Variants in SALL4 observed in about 807,000 individuals in gnomAD.
SALL4 encodes the protein sal-like protein 4.
A neutral mutation model predicts 60.8 loss-of-function variants in SALL4; 4 were observed. The observed-to-expected ratio is 0.07, with a 90% CI of 0.03 to 0.15. The LOEUF is 0.15. Among genes scored for constraint, SALL4 ranks in the 10% least tolerant of loss-of-function variants. The pLI, the probability that SALL4 is intolerant of heterozygous loss-of-function variation, is 1.00. For missense variants in SALL4, 1,178 were observed against 1,394.7 expected (o/e 0.84, Z 2.48); for synonymous variants, 580 against 574.9 (o/e 1.01, Z -0.13).
chr20:51,784,434 AG>A lies in SALL4; in HGVS notation c.2992del (p.Leu998SerfsTer11). ...GGAGGTGGCCCCCAAGGAAACCGGG[AG>A]GGTAGGAACCCCCCCACTCTGGATC... is the stretch of plus-strand genomic sequence containing the variant. ...SVIQSGGVPT[L>X]PVSLGATSVV... On this transcript the variant is annotated frameshift_variant, in exon 4 of 4. Coordinates refer to ENST00000217086, the MANE Select transcript of SALL4 (RefSeq NM_020436.5). LOFTEE classifies it low-confidence loss of function (END_TRUNC). 1 of 1,614,152 alleles carries A rather than the reference AG, an allele frequency of 6.2e-7. No individual in the cohort carries two copies. Among genetic ancestry groups the A allele is most frequent in the Non-Finnish European group, 8.5e-7 (1 of 1,180,008 alleles).
chr20:51,802,329 G>A lies in SALL4; in HGVS notation c.80C>T (p.Thr27Ile), dbSNP rs766619339. Residue 27 changes from threonine to isoleucine, a missense_variant, in exon 1 of 4, where the codon ACC becomes ATC. This residue lies in a region of SALL4 where 108 missense variants were observed against 95.7 expected (regional missense o/e 1.13). Transcript: ENST00000217086. ...TGGGGCCGCATCTGCAAACTCCGGG[G>A]TCTGCTGCTGCGGCTGCTGCTCGCC... The part of the protein sequence containing the change: ...DQGEQQPQQQ[T>I]PEFADAAPAA... 4 of 1,610,804 alleles carry A rather than the reference G, an allele frequency of 2.5e-6. No individual in the cohort carries two copies. The highest frequency in any genetic ancestry group is 3.4e-6 in the Non-Finnish European group (4 of 1,179,698).
rs1354937203 is a variant in SALL4 at position 51,783,426 on chromosome 20, TC to T, written c.*838del. The T allele has an allele frequency of 6.8e-6, 1 of 147,706 alleles. No individual in the cohort carries two copies. The allele number at this position is 147,706 out of a possible 1,614,324, so 9.1% of individuals were successfully genotyped here. On this transcript the variant is annotated 3_prime_UTR_variant, in exon 4 of 4. Transcript: ENST00000217086. ...TTTGTTGTTCCTTTTTTAAGTACAT[TC>T]AAAAAAAAACAATAAGATGGGGACA...
chr20:51,789,283 CT>C (rs1387790370), intron 2 of SALL4, 142 bp from the exon 3 acceptor site: 1 of 863,612 alleles, frequency 1.2e-6, no homozygotes, highest in African/African-American at 1.7e-5. Flanking sequence ...ACACCTTCCC[CT>C]TTGAATTGTT....
intron 3 of SALL4, among the ~76,000 whole-genome samples, chr20:51,785,534 A>C (rs2077985745): frequency 6.6e-6 from 1 of 152,292 alleles, no homozygotes; most frequent in Admixed American, 6.5e-5. Flanking sequence ...AGCAACCAAG[A>C]TGGGGCTTAT....
At chr20:51,789,858 A>T (rs944369297) in intron 2 of SALL4, among the ~76,000 whole-genome samples, 164 bp downstream of exon 2, 1 of 152,232 alleles carries the variant, frequency 6.6e-6, no homozygotes, top group Non-Finnish European at 1.5e-5. Flanking sequence ...TTACTAGGAT[A>T]GAGGCAGTTA....
Position 51,790,286 on chromosome 20 carries a change from G to C in SALL4, c.2197C>G (p.Pro733Ala). The C allele has an allele frequency of 1.2e-6, 2 of 1,614,134 alleles. No homozygotes were observed. The highest frequency in any genetic ancestry group is 1.1e-5 in the South Asian group (1 of 91,076). Residue 733 changes from proline (P) to alanine (A), a missense_variant, in exon 2 of 4, where the codon CCA (proline) becomes GCA (alanine). Pro to Ala is a conservative substitution (Grantham distance 27, BLOSUM62 -1). Coordinates refer to ENST00000217086, the MANE Select transcript of SALL4 (RefSeq NM_020436.5). This position sits in a 1 kb window ranked among gnomAD's most constrained non-coding sequence, Gnocchi z 5.5. ...AAAGGGGCAGGACCCACTTTCCCTG[G>C]GGCATCTAAGGAAGCCATCATGGCA... ...GFAMMASLDA[P>A]GKVGPAPFNL...
chr20:51,784,663 C>T lies in SALL4; in HGVS notation c.2764G>A (p.Ala922Thr), dbSNP rs1443459998. 11 of 1,613,992 alleles carry T rather than the reference C, an allele frequency of 6.8e-6. No homozygotes were observed. The highest frequency in any genetic ancestry group is 7.6e-6 in the Non-Finnish European group (9 of 1,180,024). ...NLKVHYMTHG[A>T]NNNSARRGRK... is the part of the protein sequence containing the mutation. ...CCACGGCGGGCTGAGTTATTGTTCG[C>T]CCCGTGTGTCATGTAGTGAACCTAT... Residue 922 changes from alanine to threonine, a missense_variant, in exon 4 of 4, where the codon GCG becomes ACG. Around this residue, in one of 5 missense-constraint regions of SALL4, gnomAD observed 37 missense variants for 73.5 expected, o/e 0.50. Transcript: ENST00000217086.
In SALL4 at chr20:51,797,320, T is replaced by C. The variant is rs150817893; in HGVS notation, c.130+4959A>G. 9 of 152,262 alleles carry C rather than the reference T, an allele frequency of 5.9e-5. No individual in the cohort carries two copies. The East Asian group carries it at 1.5e-3, about 26-fold the overall frequency. 9.4% of individuals were successfully genotyped at this position (152,262 alleles called of 1,614,324 possible). On this transcript the variant is annotated intron_variant, in intron 1 of 3. Coordinates refer to ENST00000217086, the MANE Select transcript of SALL4 (RefSeq NM_020436.5). Reference sequence around the variant, plus strand: ...TGCAATTTATTTCCTTGGTCATCTATGTATTTTATACACTATGTTGAGAAG... The same window carrying C: ...TGCAATTTATTTCCTTGGTCATCTACGTATTTTATACACTATGTTGAGAAG...
chr20:51,796,819 T>C lies in SALL4; in HGVS notation c.131-4467A>G, dbSNP rs558074998. 2.0e-5 allele frequency among the ~76,000 whole-genome samples: 3 copies of C among 152,234 alleles called. No individual in the cohort carries two copies. In the East Asian group the frequency reaches 5.8e-4, roughly 29 times the overall value. On this transcript the variant is annotated intron_variant, in intron 1 of 3. Transcript: ENST00000217086. ...TTATTTTGCCCCTCTATGGAGGCTT[T>C]TAAGTTATTTTTCCCTAATAGCTCC...
In SALL4 at chr20:51,784,445, C is replaced by G; in HGVS notation, c.2982G>C (p.Gly994=). 1 of 1,614,156 alleles carries G rather than the reference C, an allele frequency of 6.2e-7. No homozygotes were observed. The highest frequency in any genetic ancestry group is 1.1e-5 in the South Asian group (1 of 91,064). The stretch of plus-strand genomic sequence containing the variant: ...CCAAGGAAACCGGGAGGGTAGGAAC[C>G]CCCCCACTCTGGATCACAGAGATCT... ...TNEISVIQSG[G]VPTLPVSLGA... is the part of the protein sequence containing the mutation. Residue 994 remains glycine (G), a synonymous_variant, in exon 4 of 4, where the codon GGG becomes GGC. Coordinates refer to ENST00000217086, the MANE Select transcript of SALL4 (RefSeq NM_020436.5).
Position 51,782,573 on chromosome 20 carries a change from A to AAAAAAAAAAAAAAAAAAAAAAAAAAAAG in SALL4, c.*1691_*1692insCTTTTTTTTTTTTTTTTTTTTTTTTTTT, listed in dbSNP as rs57307622. ...GGCAAAAAAAAAAAAAAAAAAAAAA[A>AAAAAAAAAAAAAAAAAAAAAAAAAAAAG]AGGGGGGCGGAATCCTAAAGTCAGG... is the stretch of plus-strand genomic sequence containing the variant. On this transcript the variant is annotated 3_prime_UTR_variant, in exon 4 of 4. Transcript: ENST00000217086. The AAAAAAAAAAAAAAAAAAAAAAAAAAAAG allele has an allele frequency of 7.6e-6, 1 of 131,954 alleles. No homozygotes were observed. Among genetic ancestry groups the AAAAAAAAAAAAAAAAAAAAAAAAAAAAG allele is most frequent in the Non-Finnish European group, 1.5e-5 (1 of 65,286 alleles). 8.2% of individuals were successfully genotyped at this position (131,954 alleles called of 1,614,324 possible). A position where few individuals can be genotyped will look rare whatever the true frequency, so the allele number is the denominator to read the frequency against.
intron 2 of SALL4, 40 bp downstream of exon 2, chr20:51,789,982 A>C (rs759454672): frequency 6.2e-7 from 1 of 1,613,334 alleles, no homozygotes; most frequent in Non-Finnish European, 8.5e-7. Flanking sequence ...GATGACCTTG[A>C]GCCCAAAATG....
rs1294554408 is a variant in SALL4 at position 51,783,849 on chromosome 20, A to C, written c.*416T>G. On this transcript the variant is annotated 3_prime_UTR_variant, in exon 4 of 4. Transcript: ENST00000217086. ...CAGCCTGACCAACATGGTGAAACCC[A>C]GTCTCTACTCAAAATACAAAATTAG... is the stretch of plus-strand genomic sequence containing the variant. The C allele has an allele frequency of 4.1e-6, 1 of 242,822 alleles. No individual in the cohort carries two copies. Among genetic ancestry groups the C allele is most frequent in the Non-Finnish European group, 8.1e-6 (1 of 123,600 alleles). The allele number at this position is 242,822 out of a possible 1,614,324, so 15.0% of individuals were successfully genotyped here.
intron 1 of SALL4, among the ~76,000 whole-genome samples, chr20:51,795,279 C>T (rs781410016): frequency 3.0e-4 from 45 of 152,156 alleles, no homozygotes; most frequent in Non-Finnish European, 5.0e-4. Flanking sequence ...CGGTGGTGGG[C>T]GCCTGTAGTC....
intron 1 of SALL4, among the ~76,000 whole-genome samples, 186 bp downstream of exon 1, chr20:51,802,093 G>A (rs1389987910): frequency 6.6e-6 from 1 of 151,956 alleles, no homozygotes; most frequent in African/African-American, 2.4e-5. Context: ...GGAAAAAAGT[G>A]TGAAATGTGC....
chr20:51,791,428 G>A lies in SALL4; in HGVS notation c.1055C>T (p.Ala352Val), dbSNP rs754206289. 5.0e-6 allele frequency: 8 copies of A among 1,614,062 alleles called. No homozygotes were observed. The African/African-American group carries it at 5.3e-5, about 11-fold the overall frequency. The change falls in exon 2 of 4, where the codon GCG becomes GTG. Residue 352 changes from alanine (A) to valine (V), a missense_variant. This residue lies in a region of SALL4 where 853 missense variants were observed against 1,036.8 expected (regional missense o/e 0.82). Coordinates refer to ENST00000217086, the MANE Select transcript of SALL4 (RefSeq NM_020436.5). The surrounding 1 kb of genome is among the most constrained non-coding windows in gnomAD (Gnocchi z 4.6). ...CTTCCCTTTCTTGGATGTGTCTAGC[G>A]CCACAGTGGAGAAAGGGCTCTGGAA... is the stretch of plus-strand genomic sequence containing the variant. Reference protein sequence around the residue: ...VLFQSPFSTVALDTSKKGKGK... With the variant: ...VLFQSPFSTVVLDTSKKGKGK...
In SALL4 at chr20:51,801,656, C is replaced by T. The variant is rs1182263740; in HGVS notation, c.130+623G>A. 1 of 152,472 alleles carries T rather than the reference C, an allele frequency of 6.6e-6. No individual in the cohort carries two copies. The highest frequency in any genetic ancestry group is 1.5e-5 in the Non-Finnish European group (1 of 68,256). 9.4% of individuals were successfully genotyped at this position (152,472 alleles called of 1,614,324 possible). A position where few individuals can be genotyped will look rare whatever the true frequency, so the allele number is the denominator to read the frequency against. Reference sequence around the variant, plus strand: ...AAGGGAAACATTGAGCCCTCCTCCCCCACCTCTCTGGGCCCTCCAATCCCC... The same window carrying T: ...AAGGGAAACATTGAGCCCTCCTCCCTCACCTCTCTGGGCCCTCCAATCCCC... On this transcript the variant is annotated intron_variant, in intron 1 of 3. Coordinates refer to ENST00000217086, the MANE Select transcript of SALL4 (RefSeq NM_020436.5). This position sits in a 1 kb window ranked among gnomAD's most constrained non-coding sequence, Gnocchi z 5.2.
intron 1 of SALL4, among the ~76,000 whole-genome samples, chr20:51,793,413 G>A (rs1204505473): frequency 6.6e-6 from 1 of 151,984 alleles, no homozygotes; most frequent in African/African-American, 2.4e-5. Flanking sequence ...GCTTGAGCCT[G>A]GGAAGTCAAG....
chr20:51,787,400 G>C (rs550554142), intron 3 of SALL4, among the ~76,000 whole-genome samples: 1 of 152,280 alleles, frequency 6.6e-6, no homozygotes, highest in Non-Finnish European at 1.5e-5. Context: ...CTCCAGCCTG[G>C]GTGACAGAGC....
Sources: gnomAD v4.1 joint callset for allele counts (sites outside exome capture counted in the v4.1 genomes callset) on GRCh38, gnomAD v4.1.1 for gene constraint, gnomAD v4.1.1 regional missense constraint, Gnocchi (gnomAD v3.1) non-coding constraint, MANE v1.5 for transcripts, NCBI Gene and HGNC (gene_info 2026-07-23, HGNC 2026-07-21) for gene names.